The following TSPAN5 variants were observed in gnomAD, a reference collection of about 807,000 sequenced individuals.
TSPAN5 encodes tetraspanin-5.
In TSPAN5, 10 loss-of-function variants were observed where a neutral mutation model predicts 37.1. The ratio of observed to expected loss-of-function variants is 0.27; its 90% CI spans 0.17 to 0.46. The LOEUF (loss-of-function observed/expected upper bound fraction) is 0.46. Ranked by LOEUF, TSPAN5 falls within the 20% of genes least tolerant of loss-of-function variation. The pLI is 1.00. For synonymous variants in TSPAN5, 110 were observed against 118.9 expected, an observed-to-expected ratio of 0.93 and a Z score of 0.48; for missense variants, 195 against 326.6, an observed-to-expected ratio of 0.60 and a Z score of 3.11.
At chr4:98,499,486 C>G (rs1011717941) in intron 2 of TSPAN5, among the ~76,000 whole-genome samples, 1 of 152,200 alleles carries the variant, frequency 6.6e-6, no homozygotes, top group Admixed American at 6.5e-5. Flanking sequence ...TTTGACCCAA[C>G]TAAATTTTCA....
intron 1 of TSPAN5, among the ~76,000 whole-genome samples, chr4:98,624,041 T>G (rs1227821031): frequency 1.3e-5 from 2 of 152,190 alleles, no homozygotes; most frequent in African/African-American, 2.4e-5. Flanking sequence ...TGGTTCTAAT[T>G]ATATTACCAA....
intron 1 of TSPAN5, among the ~76,000 whole-genome samples, chr4:98,629,449 T>G (rs556020789): frequency 6.6e-6 from 1 of 152,212 alleles, no homozygotes; most frequent in Non-Finnish European, 1.5e-5. Context: ...CTTGTATCAA[T>G]CGACACACTA....
At chr4:98,492,556 C>T (rs901017040) in intron 2 of TSPAN5, among the ~76,000 whole-genome samples, 13 of 152,126 alleles carry the variant, frequency 8.5e-5, no homozygotes, top group Admixed American at 1.3e-4. Context: ...TGCACGTAAA[C>T]GCACACACAG....
chr4:98,518,764 C>T (rs951824467), intron 1 of TSPAN5, among the ~76,000 whole-genome samples: 2 of 152,190 alleles, frequency 1.3e-5, no homozygotes, highest in African/African-American at 4.8e-5. Flanking sequence ...TGAGGCAGCT[C>T]GAGACCTACT....
At chr4:98,514,543 G>A (rs753998750) in intron 1 of TSPAN5, among the ~76,000 whole-genome samples, 1 of 152,066 alleles carries the variant, frequency 6.6e-6, no homozygotes, top group Non-Finnish European at 1.5e-5. Flanking sequence ...CAAACTGTCC[G>A]GAGTCCTCAT....
chr4:98,518,788 TG>T (rs927962731), intron 1 of TSPAN5, among the ~76,000 whole-genome samples: 2 of 152,134 alleles, frequency 1.3e-5, no homozygotes, highest in African/African-American at 4.8e-5. Context: ...TCAGAAACTC[TG>T]GGGGCAGGGC....
intron 1 of TSPAN5, among the ~76,000 whole-genome samples, chr4:98,516,635 T>A (rs1753736872): frequency 6.6e-6 from 1 of 152,318 alleles, no homozygotes; most frequent in Non-Finnish European, 1.5e-5. Context: ...TGAAATTTGA[T>A]CCCCAATGTG....
chr4:98,518,094 CTTTTT>C (rs535091902), intron 1 of TSPAN5, among the ~76,000 whole-genome samples: 4 of 132,708 alleles, frequency 3.0e-5, no homozygotes, highest in African/African-American at 1.1e-4. Context: ...AACATCTTGA[CTTTTT>C]TTTTTTTTTT....
intron 2 of TSPAN5, among the ~76,000 whole-genome samples, chr4:98,507,215 TTCCTTCAA>T (rs1233827123): frequency 5.3e-5 from 8 of 152,188 alleles, no homozygotes; most frequent in African/African-American, 1.9e-4. Context: ...TATATCCCAC[TTCCTTCAA>T]TCCACATGCT....
At chr4:98,608,014 A>G (rs756557263) in intron 1 of TSPAN5, among the ~76,000 whole-genome samples, 14 of 152,162 alleles carry the variant, frequency 9.2e-5, no homozygotes, top group Non-Finnish European at 1.8e-4. Context: ...CCGGGCCATG[A>G]AATTTATATA....
chr4:98,513,861 A>AATAGATAG (rs56142906), intron 1 of TSPAN5, among the ~76,000 whole-genome samples: 11,898 of 149,596 alleles, frequency 0.08, 499 homozygotes, highest in East Asian at 0.1. Flanking sequence ...ATAAAAAGCA[A>AATAGATAG]ATAGATAGAT....
At chr4:98,601,877 C>T (rs991313285) in intron 1 of TSPAN5, among the ~76,000 whole-genome samples, 7 of 152,154 alleles carry the variant, frequency 4.6e-5, no homozygotes, top group African/African-American at 1.7e-4. Flanking sequence ...CTTCCTTTCA[C>T]TTAAACACTG....
intron 1 of TSPAN5, among the ~76,000 whole-genome samples, chr4:98,616,902 C>T (rs1166121403): frequency 6.7e-6 from 1 of 149,722 alleles, no homozygotes; most frequent in Non-Finnish European, 1.5e-5. Context: ...TCTTGCTCTG[C>T]AGCCTTGACC....
chr4:98,625,105 T>C (rs1300169091), intron 1 of TSPAN5, among the ~76,000 whole-genome samples: 1 of 152,192 alleles, frequency 6.6e-6, no homozygotes, highest in Non-Finnish European at 1.5e-5. Context: ...TGAGTGCTTA[T>C]AATACACCAG....
At chr4:98,558,812 A>C (rs1754812651) in intron 1 of TSPAN5, among the ~76,000 whole-genome samples, 1 of 152,182 alleles carries the variant, frequency 6.6e-6, no homozygotes, top group South Asian at 2.1e-4. Flanking sequence ...CCAGAGTCTA[A>C]CTGAGGGACA....
chr4:98,625,552 C>T (rs529101370), intron 1 of TSPAN5, among the ~76,000 whole-genome samples: 1 of 152,172 alleles, frequency 6.6e-6, no homozygotes. Flanking sequence ...TACATATTTC[C>T]AGGGCCAGAG....
intron 1 of TSPAN5, among the ~76,000 whole-genome samples, chr4:98,569,159 T>A (rs1053616059): frequency 1.3e-5 from 2 of 152,208 alleles, no homozygotes; most frequent in Non-Finnish European, 2.9e-5. Context: ...CATCTGATTA[T>A]GATTTGGCTT....
At chr4:98,552,129 T>C (rs947635768) in intron 1 of TSPAN5, among the ~76,000 whole-genome samples, 1 of 151,212 alleles carries the variant, frequency 6.6e-6, no homozygotes, top group African/African-American at 2.4e-5. Flanking sequence ...GGTTTATCAA[T>C]TTTGTTTATC....
In TSPAN5 at chr4:98,478,757, G is replaced by A. The variant is rs545750449; in HGVS notation, c.504C>T (p.Phe168=). 2 of 1,614,038 alleles carry A rather than the reference G, an allele frequency of 1.2e-6. No homozygotes were observed. The highest frequency in any genetic ancestry group is 1.7e-5 in the Admixed American group (1 of 60,018). Residue 168 remains phenylalanine (F), a synonymous_variant, in exon 5 of 8, where the codon TTC becomes TTT. Coordinates refer to ENST00000305798, the MANE Select transcript of TSPAN5 (RefSeq NM_005723.4). ...GACTTGCATTGGAATCTGTGCAATT[G>A]AAGTAAATATTTAGGTTCCAATCAT... ...GADDWNLNIY[F]NCTDSNASRE...
Sources: gnomAD v4.1 joint callset for allele counts (sites outside exome capture counted in the v4.1 genomes callset) on GRCh38, gnomAD v4.1.1 for gene constraint, MANE v1.5 for transcripts, NCBI Gene and HGNC (gene_info 2026-07-23, HGNC 2026-07-21) for gene names.